The following RDX variants were observed in gnomAD, a reference collection of about 807,000 sequenced individuals.
RDX encodes radixin.
A neutral mutation model predicts 83.7 loss-of-function variants in RDX; 32 were observed. The observed-to-expected ratio is 0.38, with a 90% CI of 0.29 to 0.51. The LOEUF (loss-of-function observed/expected upper bound fraction) is 0.51, where lower values mean the gene tolerates loss of function less well. Among genes scored for constraint, RDX ranks in the 20% least tolerant of loss-of-function variants. The pLI, the probability that RDX is intolerant of heterozygous loss-of-function variation, is 0.87. For missense variants in RDX, 600 were observed against 689.9 expected (o/e 0.87, Z 1.46); for synonymous variants, 229 against 222.7 (o/e 1.03, Z -0.25).
intron 1 of RDX, among the ~76,000 whole-genome samples, chr11:110,284,595 A>G (rs1860904784): frequency 6.6e-6 from 1 of 151,172 alleles, no homozygotes; most frequent in Non-Finnish European, 1.5e-5. Context: ...ATATCGGCTC[A>G]CTGCAAGCTC....
At chr11:110,198,511 G>C (rs1285016195) in intron 15 of RDX, among the ~76,000 whole-genome samples, 1 of 152,200 alleles carries the variant, frequency 6.6e-6, no homozygotes, top group African/African-American at 2.4e-5. Context: ...TGGTGAACAA[G>C]CATTATGGCC....
downstream of RDX, among the ~76,000 whole-genome samples, chr11:110,227,144 C>A (rs892068199): frequency 6.6e-6 from 1 of 151,610 alleles, no homozygotes; most frequent in Non-Finnish European, 1.5e-5. Context: ...AAACACGATT[C>A]GTAAGTCTAA....
chr11:110,260,904 TG>T (rs1859777366), intron 5 of RDX, among the ~76,000 whole-genome samples: 1 of 152,230 alleles, frequency 6.6e-6, no homozygotes. Flanking sequence ...TTTAAAATTT[TG>T]TACCTTTTCA....
chr11:110,228,432 G>A (rs1185591887), downstream of RDX, among the ~76,000 whole-genome samples: 1 of 152,044 alleles, frequency 6.6e-6, no homozygotes, highest in Non-Finnish European at 1.5e-5. Context: ...ACAGACTTAA[G>A]AGAGGAACCT....
chr11:110,276,902 C>T (rs1014772929), intron 2 of RDX, among the ~76,000 whole-genome samples: 1 of 152,170 alleles, frequency 6.6e-6, no homozygotes, highest in Non-Finnish European at 1.5e-5. Context: ...TATTCCACTT[C>T]ACGTGACTAT....
In RDX at chr11:110,265,962, T is replaced by C. The variant is rs140105296; in HGVS notation, c.97-1088A>G. 3.6e-3 allele frequency among the ~76,000 whole-genome samples: 541 copies of C among 152,300 alleles called. 2 individuals are homozygous for C. The highest frequency in any genetic ancestry group is 6.2e-3 in the Non-Finnish European group (419 of 68,036). On this transcript the variant is annotated intron_variant, in intron 3 of 13. Transcript: ENST00000645495. The stretch of plus-strand genomic sequence containing the variant: ...CTGCATAATACTTATGGACAGAGAT[T>C]ATTGATTTATGTGTCTTAAAATCCA...
intron 9 of RDX, among the ~76,000 whole-genome samples, chr11:110,250,037 T>A (rs1332888097): frequency 6.6e-6 from 1 of 152,160 alleles, no homozygotes; most frequent in Non-Finnish European, 1.5e-5. Context: ...TGCAGGACAT[T>A]CACCTCTTTC....
intron 14 of RDX, among the ~76,000 whole-genome samples, chr11:110,222,751 G>A (rs1028166713): frequency 7.9e-5 from 12 of 152,204 alleles, no homozygotes; most frequent in Non-Finnish European, 1.2e-4. Flanking sequence ...AGCCGAGATC[G>A]CTCCACTGCA....
intron 14 of RDX, among the ~76,000 whole-genome samples, chr11:110,216,453 G>C (rs1591518585): frequency 6.6e-6 from 1 of 151,410 alleles, no homozygotes; most frequent in Non-Finnish European, 1.5e-5. Context: ...GCTTACTGCA[G>C]CCTCAACCTC....
At chr11:110,227,833 G>A (rs570390353), downstream of RDX, among the ~76,000 whole-genome samples, 4 of 152,242 alleles carry the variant, frequency 2.6e-5, no homozygotes, top group South Asian at 8.3e-4. Flanking sequence ...TGCAAAGGAT[G>A]TGTCATGGGG....
At chr11:110,200,667 G>C (rs1863370034) in intron 14 of RDX, among the ~76,000 whole-genome samples, 1 of 152,144 alleles carries the variant, frequency 6.6e-6, no homozygotes, top group African/African-American at 2.4e-5. Flanking sequence ...CTGAGTCTTT[G>C]CAGTAAAATA....
chr11:110,261,665 T>C (rs527640615), intron 5 of RDX, among the ~76,000 whole-genome samples: 40 of 152,360 alleles, frequency 2.6e-4, no homozygotes, highest in African/African-American at 9.6e-4. Flanking sequence ...AGTCTCATTT[T>C]AAGATAACAT....
intron 15 of RDX, among the ~76,000 whole-genome samples, chr11:110,188,015 C>T (rs1234899028): frequency 1.3e-5 from 2 of 152,166 alleles, no homozygotes; most frequent in African/African-American, 2.4e-5. Flanking sequence ...TGGCATTGGC[C>T]GGGCATGGTG....
intron 14 of RDX, among the ~76,000 whole-genome samples, chr11:110,210,988 A>G (rs2134255710): frequency 6.6e-6 from 1 of 152,306 alleles, no homozygotes; most frequent in East Asian, 1.9e-4. Context: ...TTCACACATA[A>G]CAATATTCAC....
intron 2 of RDX, among the ~76,000 whole-genome samples, chr11:110,279,226 T>A (rs1266303906): frequency 6.6e-6 from 1 of 152,202 alleles, no homozygotes; most frequent in Non-Finnish European, 1.5e-5. Context: ...ATTGGACAGA[T>A]TGAGCTAAAT....
At chr11:110,293,082 CAT>C (rs1861309164) in intron 1 of RDX, among the ~76,000 whole-genome samples, 2 of 152,172 alleles carry the variant, frequency 1.3e-5, no homozygotes, top group Admixed American at 1.3e-4. Context: ...ATGATGAAAA[CAT>C]GAGAAATATG....
chr11:110,290,657 C>T (rs1218443633), intron 1 of RDX, among the ~76,000 whole-genome samples: 3 of 152,128 alleles, frequency 2.0e-5, no homozygotes, highest in Non-Finnish European at 2.9e-5. Context: ...TCCAAATGTA[C>T]GACTGACATC....
chr11:110,278,218 G>C (rs913812284), intron 2 of RDX, among the ~76,000 whole-genome samples: 2 of 139,314 alleles, frequency 1.4e-5, no homozygotes, highest in Non-Finnish European at 3.1e-5. Flanking sequence ...AAATCCAGGA[G>C]TGTAAGTTTT....
chr11:110,249,070 C>T (rs898504297), intron 9 of RDX, among the ~76,000 whole-genome samples: 1 of 152,134 alleles, frequency 6.6e-6, no homozygotes, highest in African/African-American at 2.4e-5. Context: ...TACCAAGAGC[C>T]TACCATGGGT....
Sources: allele counts gnomAD v4.1 joint callset (sites outside exome capture counted in the v4.1 genomes callset), GRCh38; gene constraint gnomAD v4.1.1; transcripts MANE v1.5; gene names NCBI Gene and HGNC (gene_info 2026-07-23, HGNC 2026-07-21).